Variants in NTM observed in about 807,000 individuals in gnomAD.
The protein encoded by NTM is neurotrimin.
Under a neutral mutation model 42.1 loss-of-function variants are expected in NTM, and 13 were observed. The observed-to-expected ratio is 0.31, with a 90% CI of 0.20 to 0.49. The LOEUF (loss-of-function observed/expected upper bound fraction) is 0.49. NTM is among the 20% of genes least tolerant of loss of function. NTM has a pLI of 0.99. For synonymous variants in NTM, 187 were observed against 179.2 expected (o/e 1.04, Z -0.35); for missense variants, 373 against 452.8 (o/e 0.82, Z 1.60).
chr11:131,885,889 C>A (rs1850127545), intron 1 of NTM, among the ~76,000 whole-genome samples: 1 of 152,146 alleles, frequency 6.6e-6, no homozygotes, highest in Non-Finnish European at 1.5e-5. Flanking sequence ...GTTGATGAGA[C>A]AGCAAGGTAC....
Position 132,279,998 on chromosome 11 carries a change from C to T in NTM, c.527-27691C>T, listed in dbSNP as rs114759431. On this transcript the variant is annotated intron_variant, in intron 4 of 8. Coordinates refer to ENST00000683400, the MANE Select transcript of NTM (RefSeq NM_001352005.2). ...GCCGGTTACTGTTGTTGAAACAGAC[C>T]GCCATGGTAAACAGGACTTCATTGA... 3.9e-3 allele frequency among the ~76,000 whole-genome samples: 595 copies of T among 152,246 alleles called. 7 individuals carry two copies. Among genetic ancestry groups the T allele is most frequent in the African/African-American group, 0.013 (558 of 41,544 alleles).
chr11:132,108,727 T>C (rs2062750483), intron 2 of NTM, among the ~76,000 whole-genome samples: 1 of 152,168 alleles, frequency 6.6e-6, no homozygotes, highest in Admixed American at 6.5e-5. Flanking sequence ...TATTATACTT[T>C]AAGTTCTGGG....
At chr11:131,936,031 AT>A (rs1403672242) in intron 2 of NTM, among the ~76,000 whole-genome samples, 3 of 152,212 alleles carry the variant, frequency 2.0e-5, no homozygotes, top group Non-Finnish European at 4.4e-5. Context: ...ATGCATAAAA[AT>A]GGATTCTTAA....
At chr11:131,822,050 C>T (rs1181853490) in intron 1 of NTM, among the ~76,000 whole-genome samples, 1 of 152,200 alleles carries the variant, frequency 6.6e-6, no homozygotes, top group African/African-American at 2.4e-5. Flanking sequence ...ACTTTTAGAG[C>T]TCCCTTTAGG....
chr11:131,721,943 G>A (rs1316562851), intron 1 of NTM, among the ~76,000 whole-genome samples: 2 of 138,524 alleles, frequency 1.4e-5, no homozygotes, highest in Admixed American at 7.9e-5. Context: ...AGATTGCAGT[G>A]AGCCGAGATC....
chr11:131,673,087 C>T (rs1319830651), intron 1 of NTM, among the ~76,000 whole-genome samples: 1 of 151,230 alleles, frequency 6.6e-6, no homozygotes, highest in East Asian at 2.0e-4. Flanking sequence ...CTATTTTAGG[C>T]TTTAGCCTAA....
rs181777465 is a variant in NTM at position 131,708,475 on chromosome 11, G to C, written c.83-203089G>C. Among the ~76,000 whole-genome samples, 249 of 152,212 alleles carry C rather than the reference G, an allele frequency of 1.6e-3. 1 individual carries two copies. Among genetic ancestry groups the C allele is most frequent in the African/African-American group, 5.7e-3 (236 of 41,546 alleles). On this transcript the variant is annotated intron_variant, in intron 1 of 8. Transcript: ENST00000683400. ...ATGTAAGACAAAAAGCAATTTGGCT[G>C]CATGAAACAAATATATGAAAATACA...
intron 3 of NTM, among the ~76,000 whole-genome samples, chr11:132,171,025 A>G (rs1444895114): frequency 6.6e-6 from 1 of 152,174 alleles, no homozygotes; most frequent in Non-Finnish European, 1.5e-5. Flanking sequence ...CCCAAAAGTT[A>G]TACATTTTGG....
At position 131,772,034 on chromosome 11, in the gene NTM, A is replaced by G. The variant is rs575712363; in HGVS notation, c.83-139530A>G. ...TCCCAAGTTTCACTGTTGTTTGTTT[A>G]TGTTGCTTTTCTACTGCCATTTAAC... On this transcript the variant is annotated intron_variant, in intron 1 of 8. Transcript: ENST00000683400. Among the ~76,000 whole-genome samples, 191 of 151,938 alleles carry G rather than the reference A, an allele frequency of 1.3e-3. 2 individuals carry two copies. Among genetic ancestry groups the G allele is most frequent in the African/African-American group, 4.4e-3 (182 of 41,422 alleles).
intron 1 of NTM, chr11:131,795,232 CTCT>C (rs2010793622): frequency 1.0e-5 from 4 of 393,744 alleles, no homozygotes; most frequent in South Asian, 1.0e-4. Flanking sequence ...TCTCTCGTAT[CTCT>C]TCTTCTTCAT....
intron 1 of NTM, among the ~76,000 whole-genome samples, chr11:131,400,410 G>A (rs956224380): frequency 1.3e-5 from 2 of 152,122 alleles, no homozygotes; most frequent in East Asian, 3.9e-4. Flanking sequence ...TTCCCGGACC[G>A]TGTCTCTAGT....
At position 131,674,837 on chromosome 11, in the gene NTM, A is replaced by G. The variant is rs570707751; in HGVS notation, c.83-236727A>G. On this transcript the variant is annotated intron_variant, in intron 1 of 8. Transcript: ENST00000683400. ...CCTAAACTCATTGCAGCTCCAAGAC[A>G]TGCATGGATTAGGGACCAAGATGTG... 1.1e-4 allele frequency among the ~76,000 whole-genome samples: 16 copies of G among 152,320 alleles called. No homozygotes were observed. The South Asian group carries it at 3.3e-3, about 32-fold the overall frequency.
At chr11:131,807,062 A>G (rs1337601347) in intron 1 of NTM, among the ~76,000 whole-genome samples, 1 of 152,204 alleles carries the variant, frequency 6.6e-6, no homozygotes. Flanking sequence ...TGGAAGAAAC[A>G]CAGGGCAGTC....
intron 1 of NTM, among the ~76,000 whole-genome samples, chr11:131,435,434 C>T (rs1370016960): frequency 6.6e-6 from 1 of 152,120 alleles, no homozygotes; most frequent in African/African-American, 2.4e-5. Context: ...ATGGAATGTT[C>T]TTCCATTTGT....
chr11:131,921,050 C>T (rs540400213), intron 2 of NTM, among the ~76,000 whole-genome samples: 1 of 151,974 alleles, frequency 6.6e-6, no homozygotes, highest in Admixed American at 6.5e-5. Context: ...AGAACGCATG[C>T]GAATTATTTT....
intron 1 of NTM, among the ~76,000 whole-genome samples, chr11:131,528,894 G>T (rs2050862447): frequency 6.6e-6 from 1 of 152,066 alleles, no homozygotes; most frequent in Non-Finnish European, 1.5e-5. Flanking sequence ...ATCTTTTGTT[G>T]GTTCTAACTG....
Position 131,890,316 on chromosome 11 carries a change from G to T in NTM, c.83-21248G>T, listed in dbSNP as rs765880009. Among the ~76,000 whole-genome samples the T allele has an allele frequency of 2.6e-5, 4 of 152,112 alleles. No homozygotes were observed. The South Asian group carries it at 8.3e-4, about 32-fold the overall frequency. On this transcript the variant is annotated intron_variant, in intron 1 of 8. Transcript: ENST00000683400. ...AACACATTCTGAATCTACAAATGCT[G>T]CTAGGGCTCAGGCTGTGAGGTTCCT...
At chr11:131,449,829 G>A (rs1003230648) in intron 1 of NTM, among the ~76,000 whole-genome samples, 4 of 152,128 alleles carry the variant, frequency 2.6e-5, no homozygotes, top group Non-Finnish European at 2.9e-5. Flanking sequence ...CTGTCCCTAC[G>A]AACAGGCTCC....
intron 2 of NTM, among the ~76,000 whole-genome samples, chr11:132,023,012 G>T (rs866301831): frequency 6.9e-6 from 1 of 145,136 alleles, no homozygotes; most frequent in South Asian, 2.2e-4. Flanking sequence ...GAGTTCCTCA[G>T]GCTGGCTCCA....
Sources: allele counts gnomAD v4.1 joint callset (sites outside exome capture counted in the v4.1 genomes callset), GRCh38; gene constraint gnomAD v4.1.1; transcripts MANE v1.5; gene names NCBI Gene and HGNC (gene_info 2026-07-23, HGNC 2026-07-21).